The following SRGAP3 variants were observed in gnomAD, a reference collection of about 807,000 sequenced individuals.
SRGAP3 encodes the protein SLIT-ROBO Rho GTPase activating protein 3, also known as SLIT-ROBO Rho GTPase-activating protein 3.
A neutral mutation model predicts 121.1 loss-of-function variants in SRGAP3; 39 were observed. The ratio of observed to expected loss-of-function variants is 0.32; its 90% CI spans 0.25 to 0.42. The LOEUF (loss-of-function observed/expected upper bound fraction) is 0.42, where lower values mean the gene tolerates loss of function less well. Among genes scored for constraint, SRGAP3 ranks in the 10% least tolerant of loss-of-function variants. The pLI is 1.00. For synonymous variants in SRGAP3, 601 were observed against 570.0 expected (o/e 1.05, Z -0.77); for missense variants, 1,213 against 1,470.6 (o/e 0.82, Z 2.86).
chr3:9,160,267 C>A (rs78056989), intron 1 of SRGAP3, among the ~76,000 whole-genome samples: 1 of 152,204 alleles, frequency 6.6e-6, no homozygotes, highest in East Asian at 1.9e-4. Context: ...TTCACCTCCC[C>A]CTAAGTGTGG....
chr3:9,090,398 T>C (rs929692358), intron 3 of SRGAP3, among the ~76,000 whole-genome samples: 3 of 135,728 alleles, frequency 2.2e-5, no homozygotes, highest in Non-Finnish European at 5.1e-5. Flanking sequence ...AACCCTTATT[T>C]CTTTGCACAA....
intron 3 of SRGAP3, among the ~76,000 whole-genome samples, chr3:9,081,764 A>T (rs931353722): frequency 3.3e-5 from 5 of 152,220 alleles, no homozygotes; most frequent in Non-Finnish European, 7.3e-5. Flanking sequence ...TCTAGGTTCC[A>T]TGCAGCTTGA....
At chr3:9,271,459 T>C (rs2125260768) in intron 3 of SRGAP3, among the ~76,000 whole-genome samples, 1 of 152,344 alleles carries the variant, frequency 6.6e-6, no homozygotes, top group Admixed American at 6.5e-5. Context: ...ACAGCCTATG[T>C]CCGAGACCAT....
intron 3 of SRGAP3, among the ~76,000 whole-genome samples, chr3:9,273,605 G>A (rs2600166): frequency 0.37 from 55,577 of 151,934 alleles, 10,433 homozygotes; most frequent in Non-Finnish European, 0.38. Context: ...GATGTAGTCC[G>A]ATTTATTTTT....
chr3:8,991,781 G>A (rs1942069617), intron 20 of SRGAP3, among the ~76,000 whole-genome samples: 1 of 152,132 alleles, frequency 6.6e-6, no homozygotes, highest in African/African-American at 2.4e-5. Context: ...TTATGACTAG[G>A]GACCACCAGT....
chr3:9,301,889 C>T (rs1955063617), intron 3 of SRGAP3, among the ~76,000 whole-genome samples: 1 of 152,210 alleles, frequency 6.6e-6, no homozygotes, highest in South Asian at 2.1e-4. Context: ...TCGCATACTG[C>T]CTGGCATAAC....
intron 3 of SRGAP3, among the ~76,000 whole-genome samples, chr3:9,267,891 T>C (rs1265726125): frequency 6.6e-6 from 1 of 152,156 alleles, no homozygotes; most frequent in Admixed American, 6.5e-5. Flanking sequence ...CTACATTATC[T>C]CAGGGAATCC....
At chr3:9,074,366 C>G (rs1209192938) in intron 4 of SRGAP3, among the ~76,000 whole-genome samples, 1 of 152,210 alleles carries the variant, frequency 6.6e-6, no homozygotes, top group African/African-American at 2.4e-5. Context: ...CTGGCAGCAG[C>G]CCCATGTTCC....
chr3:9,025,243 T>A lies in SRGAP3; in HGVS notation c.1678+18A>T. Reference sequence around the variant, plus strand: ...GCTTCCCCTGGCCACAAGCCTAAGATGGTCGCTCTGCACCCACCTCTCTCA... The same window carrying A: ...GCTTCCCCTGGCCACAAGCCTAAGAAGGTCGCTCTGCACCCACCTCTCTCA... On this transcript the variant is annotated intron_variant, in intron 14 of 21. Coordinates refer to ENST00000383836, the MANE Select transcript of SRGAP3 (RefSeq NM_014850.4). 2 of 1,613,970 alleles carry A rather than the reference T, an allele frequency of 1.2e-6. No individual in the cohort carries two copies.
intron 15 of SRGAP3, 124 bp from the exon 16 acceptor site, chr3:9,013,966 CAGGGA>C (rs1943503031): frequency 1.2e-6 from 1 of 841,892 alleles, no homozygotes; most frequent in Non-Finnish European, 2.0e-6. Context: ...CTCTTGATTC[CAGGGA>C]TCACAGGTGA....
chr3:9,070,723 C>T (rs1183668197), intron 4 of SRGAP3, among the ~76,000 whole-genome samples: 1 of 152,120 alleles, frequency 6.6e-6, no homozygotes, highest in Non-Finnish European at 1.5e-5. Flanking sequence ...TGCCTGTGTT[C>T]TGCTGAGCAT....
At chr3:9,203,059 T>C (rs942666443) in intron 1 of SRGAP3, among the ~76,000 whole-genome samples, 1 of 152,180 alleles carries the variant, frequency 6.6e-6, no homozygotes, top group Admixed American at 6.5e-5. Context: ...CCCTCCTCCA[T>C]AGACACCGAT....
Position 9,249,356 on chromosome 3 carries a change from G to C in SRGAP3, c.-405C>G. The stretch of plus-strand genomic sequence containing the variant: ...ACCGGGACACGCACACAGTTGTGCT[G>C]TGCACACAGGCATACACACACACAC... On this transcript the variant is annotated 5_prime_UTR_variant, in exon 1 of 22. Transcript: ENST00000383836. The C allele has an allele frequency of 2.5e-6, 1 of 402,164 alleles. No individual in the cohort carries two copies. The highest frequency in any genetic ancestry group is 4.6e-6 in the Non-Finnish European group (1 of 215,740). 24.9% of individuals were successfully genotyped at this position (402,164 alleles called of 1,614,324 possible).
chr3:9,334,981 G>A (rs148705381), intron 1 of SRGAP3, among the ~76,000 whole-genome samples: 1 of 152,300 alleles, frequency 6.6e-6, no homozygotes, highest in African/African-American at 2.4e-5. Context: ...CTGCCTACAG[G>A]GGCCAGGGAG....
intron 9 of SRGAP3, chr3:9,049,460 C>G: frequency 2.2e-6 from 1 of 456,114 alleles, no homozygotes; most frequent in South Asian, 1.5e-5. Flanking sequence ...AAAACATCAT[C>G]AGGCCCCTTC....
At chr3:9,187,961 T>C (rs1560376884) in intron 1 of SRGAP3, among the ~76,000 whole-genome samples, 1 of 152,164 alleles carries the variant, frequency 6.6e-6, no homozygotes, top group East Asian at 1.9e-4. Context: ...CAGAAGCCTA[T>C]GGGAACAATA....
intron 12 of SRGAP3, chr3:9,027,948 C>T: frequency 2.3e-6 from 2 of 888,852 alleles, no homozygotes; most frequent in South Asian, 2.8e-5. Flanking sequence ...CACACCCCAC[C>T]TGTGAATTCT....
chr3:9,325,658 C>T (rs1054578138), intron 3 of SRGAP3, among the ~76,000 whole-genome samples: 6 of 151,864 alleles, frequency 4.0e-5, no homozygotes, highest in African/African-American at 1.4e-4. Flanking sequence ...TGGCAATATT[C>T]TCTTTAATCC....
At chr3:9,232,175 C>T (rs1373559159) in intron 1 of SRGAP3, among the ~76,000 whole-genome samples, 5 of 152,184 alleles carry the variant, frequency 3.3e-5, no homozygotes, top group African/African-American at 7.2e-5. Context: ...GTAAGTTCAG[C>T]ATAATTTAAA....
Sources: gnomAD v4.1 joint callset for allele counts (sites outside exome capture counted in the v4.1 genomes callset) on GRCh38, gnomAD v4.1.1 for gene constraint, MANE v1.5 for transcripts, NCBI Gene and HGNC (gene_info 2026-07-23, HGNC 2026-07-21) for gene names.